Variants in CARD8 observed in about 807,000 individuals in gnomAD.
CARD8 encodes the protein caspase recruitment domain family member 8, also known as caspase recruitment domain-containing protein 8.
CARD8 carries 38 observed loss-of-function variants against 53.2 expected under a neutral mutation model. That is an observed-to-expected ratio of 0.71 (90% CI 0.55 to 0.94). The LOEUF (loss-of-function observed/expected upper bound fraction) is 0.94. CARD8 is among the 40% of genes least tolerant of loss of function. CARD8 has a pLI of 0.00. For synonymous variants in CARD8, 245 were observed against 244.9 expected, an observed-to-expected ratio of 1.00 and a Z score of 0.00; for missense variants, 561 against 655.5, an observed-to-expected ratio of 0.86 and a Z score of 1.57.
At chr19:48,206,416 A>G (rs1423067641), downstream of CARD8, 1 of 457,648 alleles carries the variant, frequency 2.2e-6, no homozygotes, top group Non-Finnish European at 4.4e-6. Context: ...GAGCAGTCCC[A>G]ATGAGTCTGG....
intron 1 of CARD8, among the ~76,000 whole-genome samples, chr19:48,255,401 C>G (rs986978857): frequency 3.3e-5 from 5 of 152,050 alleles, no homozygotes; most frequent in Non-Finnish European, 5.9e-5. Flanking sequence ...AGGAAGCTTT[C>G]ATATGTTTGT....
At chr19:48,246,985 G>A (rs1400904591) in intron 3 of CARD8, among the ~76,000 whole-genome samples, 1 of 152,164 alleles carries the variant, frequency 6.6e-6, no homozygotes, top group African/African-American at 2.4e-5. Flanking sequence ...ACTTACCTAT[G>A]TATGAACTCA....
intron 5 of CARD8, among the ~76,000 whole-genome samples, chr19:48,235,825 T>A (rs2043772714): frequency 6.8e-6 from 1 of 147,476 alleles, no homozygotes; most frequent in Admixed American, 6.8e-5. Context: ...TAGAAAAAAA[T>A]CATTGACAAA....
chr19:48,215,010 G>A (rs905696749), intron 13 of CARD8: 37 of 188,226 alleles, frequency 2.0e-4, no homozygotes, highest in African/African-American at 8.2e-4. Context: ...GGCTGGTCTC[G>A]AACTCCTGAG....
At chr19:48,232,045 A>T in intron 7 of CARD8, 1 of 608,244 alleles carries the variant, frequency 1.6e-6, no homozygotes, top group South Asian at 1.7e-5. Context: ...CTGGGAAGCC[A>T]GGCTGGACAG....
intron 3 of CARD8, among the ~76,000 whole-genome samples, chr19:48,247,428 T>C (rs1361374870): frequency 2.0e-5 from 3 of 152,202 alleles, no homozygotes; most frequent in Admixed American, 2.0e-4. Flanking sequence ...GATGAAATAA[T>C]ATGCAATTTT....
rs1967217759 is a variant in CARD8 at position 48,255,861 on chromosome 19, T to A, written c.-321A>T. 1 of 152,134 alleles carries A rather than the reference T, an allele frequency of 6.6e-6. No individual in the cohort carries two copies. Among genetic ancestry groups the A allele is most frequent in the Non-Finnish European group, 1.5e-5 (1 of 68,020 alleles). The allele number at this position is 152,134 out of a possible 1,614,324, so 9.4% of individuals were successfully genotyped here. A position where few individuals can be genotyped will look rare whatever the true frequency, so the allele number is the denominator to read the frequency against. On this transcript the variant is annotated 5_prime_UTR_variant, in exon 1 of 14. In the 5' UTR this introduces an upstream ATG that the reference lacks. Coordinates refer to ENST00000651546, the MANE Select transcript of CARD8 (RefSeq NM_001184900.3). ...GGACGGGCCAAATGGGAGAATCCCC[T>A]TAGGTCGGTTTCTCTGGTTCTCAAC...
chr19:48,238,128 C>G, intron 5 of CARD8: 1 of 412,240 alleles, frequency 2.4e-6, no homozygotes, highest in Non-Finnish European at 4.1e-6. Context: ...TGACCTCAGG[C>G]GATCCACCTG....
chr19:48,234,906 T>C (rs2043601701), intron 5 of CARD8, among the ~76,000 whole-genome samples: 2 of 152,146 alleles, frequency 1.3e-5, no homozygotes, highest in South Asian at 4.2e-4. Context: ...AAGGATGAGA[T>C]TCCTAATTTG....
intron 10 of CARD8, among the ~76,000 whole-genome samples, chr19:48,229,628 G>T (rs1041347445): frequency 4.4e-4 from 67 of 152,328 alleles, no homozygotes; most frequent in African/African-American, 1.6e-3. Flanking sequence ...TGGAAGGACA[G>T]AAGTGGGACT....
chr19:48,205,146 A>G (rs1373869633), downstream of CARD8, among the ~76,000 whole-genome samples: 1 of 152,188 alleles, frequency 6.6e-6, no homozygotes, highest in Non-Finnish European at 1.5e-5. Flanking sequence ...TAACGCCAAG[A>G]TCAGCACTGA....
In CARD8 at chr19:48,211,625, A is replaced by G. The variant is rs2037980508; in HGVS notation, c.*85T>C. The G allele has an allele frequency of 2.2e-6, 3 of 1,353,188 alleles. No homozygotes were observed. Among genetic ancestry groups the G allele is most frequent in the East Asian group, 4.6e-5 (2 of 43,610 alleles). The allele number at this position is 1,353,188 out of a possible 1,614,324, so 83.8% of individuals were successfully genotyped here. ...TACCCAGTCTTCTTCTGTCTTGAAC[A>G]CTGAAATCAATGATCACATTTCTGT... On this transcript the variant is annotated 3_prime_UTR_variant, in exon 14 of 14. Transcript: ENST00000651546.
intron 3 of CARD8, among the ~76,000 whole-genome samples, chr19:48,244,507 A>G (rs2045779484): frequency 6.6e-6 from 1 of 152,154 alleles, no homozygotes; most frequent in Non-Finnish European, 1.5e-5. Context: ...AAAGCCTCAT[A>G]CTCGGTGATT....
chr19:48,230,701 C>G lies in CARD8; in HGVS notation c.773-1G>C. On this transcript the variant is annotated splice_acceptor_variant, in intron 9 of 13. Coordinates refer to ENST00000651546, the MANE Select transcript of CARD8 (RefSeq NM_001184900.3). LOFTEE classifies it high-confidence loss of function. The stretch of plus-strand genomic sequence containing the variant: ...AACCAGGAGACGTCCACCTCACCTG[C>G]TGCAGGAGAACCACAACAGCAGTGA... The G allele has an allele frequency of 6.2e-7, 1 of 1,613,376 alleles. No homozygotes were observed. Among genetic ancestry groups the G allele is most frequent in the Non-Finnish European group, 8.5e-7 (1 of 1,179,462 alleles).
At chr19:48,237,066 G>A (rs1219179123) in intron 5 of CARD8, among the ~76,000 whole-genome samples, 3 of 152,086 alleles carry the variant, frequency 2.0e-5, no homozygotes, top group Non-Finnish European at 2.9e-5. Flanking sequence ...GTGAGACACC[G>A]CGCCTGGCCT....
chr19:48,243,489 TTTAA>T (rs761599453), intron 3 of CARD8, among the ~76,000 whole-genome samples: 1 of 152,240 alleles, frequency 6.6e-6, no homozygotes, highest in Admixed American at 6.5e-5. Flanking sequence ...AATCTGCATA[TTTAA>T]TTTATTCATG....
At chr19:48,214,877 CT>C (rs2038931545) in intron 13 of CARD8, among the ~76,000 whole-genome samples, 1 of 140,464 alleles carries the variant, frequency 7.1e-6, no homozygotes, top group Non-Finnish European at 1.5e-5. Flanking sequence ...CAACCTCTGC[CT>C]CCCGGGTTCA....
intron 12 of CARD8, among the ~76,000 whole-genome samples, chr19:48,216,591 G>C (rs2039354918): frequency 6.6e-6 from 1 of 152,182 alleles, no homozygotes; most frequent in African/African-American, 2.4e-5. Context: ...CTCAACAAGA[G>C]GGCAGTTTGC....
chr19:48,245,258 G>C (rs1177678643), intron 3 of CARD8, among the ~76,000 whole-genome samples: 2 of 152,200 alleles, frequency 1.3e-5, no homozygotes, highest in Non-Finnish European at 2.9e-5. Context: ...CGCTCAGGCT[G>C]TAGAGAAGTG....
Sources: gnomAD v4.1 joint callset for allele counts (sites outside exome capture counted in the v4.1 genomes callset) on GRCh38, gnomAD v4.1.1 for gene constraint, MANE v1.5 for transcripts, NCBI Gene and HGNC (gene_info 2026-07-23, HGNC 2026-07-21) for gene names.